The following ALX1 variants were observed in gnomAD, a reference collection of about 807,000 sequenced individuals.
ALX1 encodes ALX homeobox protein 1.
A neutral mutation model predicts 31.7 loss-of-function variants in ALX1; 19 were observed. The observed-to-expected ratio is 0.60, with a 90% CI of 0.42 to 0.88. The LOEUF (loss-of-function observed/expected upper bound fraction) is 0.88. ALX1 is among the 40% of genes least tolerant of loss of function. The pLI is 0.00. For synonymous variants in ALX1, 153 were observed against 148.8 expected, an observed-to-expected ratio of 1.03 and a Z score of -0.20; for missense variants, 415 against 407.8, an observed-to-expected ratio of 1.02 and a Z score of -0.15.
Position 85,280,345 on chromosome 12 carries a change from G to A in ALX1, c.84G>A (p.Leu28=). The A allele has an allele frequency of 6.2e-7, 1 of 1,613,952 alleles. No individual in the cohort carries two copies. Among genetic ancestry groups the A allele is most frequent in the Non-Finnish European group, 8.5e-7 (1 of 1,180,024 alleles). ...TTTACATGGGCGCAGGAGGTCCTCT[G>A]GAGCACGTTATGGAGACGCTGGACA... The part of the protein sequence containing the change: ...SDFYMGAGGP[L]EHVMETLDNE... Residue 28 remains leucine, a synonymous_variant, in exon 1 of 4, where the codon CTG becomes CTA. Transcript: ENST00000316824.
At chr12:85,282,190 T>A (rs1023644338) in intron 1 of ALX1, among the ~76,000 whole-genome samples, 1 of 152,116 alleles carries the variant, frequency 6.6e-6, no homozygotes, top group African/African-American at 2.4e-5. Flanking sequence ...CTTCTTTATA[T>A]TTGGTTTAAC....
At chr12:85,294,719 T>C (rs149707516) in intron 3 of ALX1, among the ~76,000 whole-genome samples, 1 of 151,274 alleles carries the variant, frequency 6.6e-6, no homozygotes, top group East Asian at 1.9e-4. Context: ...TACACATTTA[T>C]TTTTCTGCTA....
At chr12:85,283,309 A>AAAAAAATTTAAG (rs2137376361) in intron 1 of ALX1, among the ~76,000 whole-genome samples, 1 of 152,310 alleles carries the variant, frequency 6.6e-6, no homozygotes, top group East Asian at 1.9e-4. Flanking sequence ...TAAGTAAAAA[A>AAAAAAATTTAAG]CATGTGCATA....
intron 3 of ALX1, among the ~76,000 whole-genome samples, chr12:85,291,001 G>A (rs1301243536): frequency 6.6e-6 from 1 of 150,974 alleles, no homozygotes; most frequent in Non-Finnish European, 1.5e-5. Context: ...TATAGACATT[G>A]GATAGATATG....
Position 85,283,723 on chromosome 12 carries a change from T to C in ALX1, c.378T>C (p.Asn126=). ...AACTTGGGGATAAATGTGATAGCAA[T>C]GTATCCAGCAGTAAGAAACGGAGGC... ...LDELGDKCDS[N]VSSSKKRRHR... is the part of the protein sequence containing the mutation. The change falls in exon 2 of 4, where the codon AAT becomes AAC. Residue 126 remains asparagine (N), a synonymous_variant. Transcript: ENST00000316824. 6.2e-7 allele frequency: 1 copy of C among 1,614,056 alleles called. No homozygotes were observed. The highest frequency in any genetic ancestry group is 1.1e-5 in the South Asian group (1 of 91,078).
At chr12:85,288,212 T>C (rs1896773371) in intron 3 of ALX1, among the ~76,000 whole-genome samples, 1 of 151,514 alleles carries the variant, frequency 6.6e-6, no homozygotes. Context: ...ACAAGTGGGT[T>C]CCTGCAGGAG....
chr12:85,282,911 G>C (rs910457131), intron 1 of ALX1, among the ~76,000 whole-genome samples: 3 of 149,680 alleles, frequency 2.0e-5, no homozygotes, highest in African/African-American at 5.1e-5. Context: ...AAAAAAAAAT[G>C]CTGCTTAAAT....
rs536367769 is a variant in ALX1, at chr12:85,281,667, G to A, written c.226+1180G>A. On this transcript the variant is annotated intron_variant, in intron 1 of 3. Coordinates refer to ENST00000316824, the MANE Select transcript of ALX1 (RefSeq NM_006982.3). ...TGACTAAGGGTAAATCAAAAATAAA[G>A]GTGCAAATGATAGAGAAAATAATCA... Among the ~76,000 whole-genome samples the A allele has an allele frequency of 2.4e-4, 37 of 152,158 alleles. No individual in the cohort carries two copies. In the South Asian group the frequency reaches 3.7e-3, roughly 15 times the overall value.
At chr12:85,281,412 C>A (rs1052322885) in intron 1 of ALX1, among the ~76,000 whole-genome samples, 1 of 152,182 alleles carries the variant, frequency 6.6e-6, no homozygotes, top group Non-Finnish European at 1.5e-5. Flanking sequence ...TTCTCCTTAT[C>A]ATTGTATATA....
At chr12:85,292,657 T>C (rs2137386878) in intron 3 of ALX1, among the ~76,000 whole-genome samples, 1 of 151,238 alleles carries the variant, frequency 6.6e-6, no homozygotes, top group South Asian at 2.1e-4. Context: ...AATTATACAA[T>C]TAAAAAATGA....
At chr12:85,287,939 C>T (rs189583749) in intron 3 of ALX1, among the ~76,000 whole-genome samples, 127 of 151,592 alleles carry the variant, frequency 8.4e-4, no homozygotes, top group African/African-American at 3.0e-3. Context: ...ATCTGAACCC[C>T]AAACTTGAGT....
At position 85,301,063 on chromosome 12, in the gene ALX1, G is replaced by A. The variant is rs1238500338; in HGVS notation, c.661-92G>A. ...ACCCAATAGGAGCAAACAATGAATAGTTAACCAAATTTAGTAAATACAACT... is the reference window on the plus strand; with the variant it reads ...ACCCAATAGGAGCAAACAATGAATAATTAACCAAATTTAGTAAATACAACT... On this transcript the variant is annotated intron_variant, in intron 3 of 3. Coordinates refer to ENST00000316824, the MANE Select transcript of ALX1 (RefSeq NM_006982.3). The A allele has an allele frequency of 1.7e-5, 25 of 1,446,448 alleles. No individual in the cohort carries two copies. In the East Asian group the frequency reaches 5.6e-4, roughly 32 times the overall value. The allele number at this position is 1,446,448 out of a possible 1,614,324, so 89.6% of individuals were successfully genotyped here.
intron 3 of ALX1, among the ~76,000 whole-genome samples, chr12:85,296,206 G>A (rs1246465988): frequency 6.6e-6 from 1 of 151,176 alleles, no homozygotes; most frequent in Non-Finnish European, 1.5e-5. Context: ...TCATATCAAG[G>A]TTCTAAGGTA....
intron 3 of ALX1, among the ~76,000 whole-genome samples, chr12:85,299,712 T>A (rs118059980): frequency 0.023 from 3,435 of 151,976 alleles, 54 homozygotes; most frequent in Non-Finnish European, 0.039. Flanking sequence ...ACAGAGTACC[T>A]TTTTACCAGT....
At chr12:85,286,131 G>A (rs1428554062) in intron 2 of ALX1, among the ~76,000 whole-genome samples, 1 of 151,706 alleles carries the variant, frequency 6.6e-6, no homozygotes. Context: ...AAAGATATCC[G>A]AGCATTTTCA....
At chr12:85,284,140 AAT>A (rs1896717524) in intron 2 of ALX1, among the ~76,000 whole-genome samples, 1 of 152,132 alleles carries the variant, frequency 6.6e-6, no homozygotes, top group Non-Finnish European at 1.5e-5. Flanking sequence ...ACAATATGAT[AAT>A]ATATCTCTGA....
intron 2 of ALX1, among the ~76,000 whole-genome samples, chr12:85,286,516 C>T (rs1896748734): frequency 6.6e-6 from 1 of 151,840 alleles, no homozygotes; most frequent in African/African-American, 2.4e-5. Flanking sequence ...GAGACTTATC[C>T]ATGACAATGT....
At chr12:85,283,125 C>T (rs1896700417) in intron 1 of ALX1, among the ~76,000 whole-genome samples, 1 of 152,068 alleles carries the variant, frequency 6.6e-6, no homozygotes, top group Non-Finnish European at 1.5e-5. Flanking sequence ...GATATTAGTA[C>T]AGAGGTATTA....
chr12:85,288,538 C>T (rs1896778414), intron 3 of ALX1, among the ~76,000 whole-genome samples: 1 of 151,312 alleles, frequency 6.6e-6, no homozygotes, highest in South Asian at 2.1e-4. Flanking sequence ...AAATCTTTCC[C>T]CTCTAGGCTG....
Sources: gnomAD v4.1 joint callset for allele counts (sites outside exome capture counted in the v4.1 genomes callset) on GRCh38, gnomAD v4.1.1 for gene constraint, MANE v1.5 for transcripts, NCBI Gene and HGNC (gene_info 2026-07-23, HGNC 2026-07-21) for gene names.